PDIA4: variants seen among roughly 807,000 people sequenced by gnomAD.
The protein encoded by PDIA4 is protein disulfide isomerase family A member 4, also known as protein disulfide-isomerase A4.
In PDIA4, 33 loss-of-function variants were observed where a neutral mutation model predicts 62.1. The ratio of observed to expected loss-of-function variants is 0.53; its 90% CI spans 0.40 to 0.71. The LOEUF (loss-of-function observed/expected upper bound fraction) is 0.71. PDIA4 is among the 30% of genes least tolerant of loss of function. The pLI is 0.00. For missense variants in PDIA4, 804 were observed against 813.6 expected, an observed-to-expected ratio of 0.99 and a Z score of 0.14; for synonymous variants, 341 against 324.1, an observed-to-expected ratio of 1.05 and a Z score of -0.56.
intron 4 of PDIA4, among the ~76,000 whole-genome samples, chr7:149,013,912 C>A (rs1399615787): frequency 6.6e-6 from 1 of 152,176 alleles, no homozygotes; most frequent in Non-Finnish European, 1.5e-5. Flanking sequence ...AGCTGCCACT[C>A]TCCCTCTCAC....
At chr7:149,012,868 G>A (rs559546638) in intron 4 of PDIA4, among the ~76,000 whole-genome samples, 13 of 152,224 alleles carry the variant, frequency 8.5e-5, no homozygotes, top group African/African-American at 2.4e-4. Flanking sequence ...ACAGAAGAGC[G>A]TCACAAACCC....
intron 6 of PDIA4, among the ~76,000 whole-genome samples, chr7:149,009,313 A>C (rs1010887032): frequency 2.0e-5 from 3 of 152,178 alleles, no homozygotes; most frequent in Middle Eastern, 3.2e-3. Flanking sequence ...ACAACAACAA[A>C]AAAACCCCGG....
At chr7:149,014,458 T>C (rs1824059948) in intron 4 of PDIA4, among the ~76,000 whole-genome samples, 3 of 152,146 alleles carry the variant, frequency 2.0e-5, no homozygotes, top group African/African-American at 7.2e-5. Context: ...TGGTCTCTCC[T>C]GAAGCCAGGC....
At chr7:149,020,283 CA>C (rs1824295832) in intron 2 of PDIA4, among the ~76,000 whole-genome samples, 1 of 152,156 alleles carries the variant, frequency 6.6e-6, no homozygotes, top group African/African-American at 2.4e-5. Context: ...TTAAATAAAA[CA>C]CTTGTGCTAC....
Position 149,005,112 on chromosome 7 carries a change from G to A in PDIA4, c.1522+29C>T, listed in dbSNP as rs531749443. 3.0e-5 allele frequency: 46 copies of A among 1,551,910 alleles called. No homozygotes were observed. The South Asian group carries it at 5.1e-4, about 17-fold the overall frequency. On this transcript the variant is annotated intron_variant, in intron 9 of 9. Transcript: ENST00000652332. The stretch of plus-strand genomic sequence containing the variant: ...CGCACGAGGAGCACAGCAGCTGATG[G>A]GAGACCCCAGCCCCAGCCACGGGCT...
At position 149,006,706 on chromosome 7, in the gene PDIA4, T is replaced by G. The variant is rs541769424; in HGVS notation, c.1132-653A>C. 2.2e-4 allele frequency among the ~76,000 whole-genome samples: 34 copies of G among 152,242 alleles called. 1 individual carries two copies. In the South Asian group the frequency reaches 6.2e-3, roughly 28 times the overall value. The stretch of plus-strand genomic sequence containing the variant: ...GGCAGGGCACGAGGCACAAACAGGA[T>G]CTGGCGTGACAGCACTGGAGGGTGG... On this transcript the variant is annotated intron_variant, in intron 7 of 9. Transcript: ENST00000652332.
At chr7:149,020,724 G>A (rs567132482) in intron 2 of PDIA4, among the ~76,000 whole-genome samples, 14 of 152,290 alleles carry the variant, frequency 9.2e-5, no homozygotes, top group African/African-American at 3.4e-4. Context: ...ATCAGAGGAC[G>A]TATTCATCTT....
At chr7:149,025,108 G>A (rs7455991) in intron 1 of PDIA4, among the ~76,000 whole-genome samples, 5,816 of 98,526 alleles carry the variant, frequency 0.059, 176 homozygotes, top group African/African-American at 0.12. Context: ...ATATATATAT[G>A]TATGTCCAGA....
rs757281199 is a variant in PDIA4, at chr7:149,008,327, A to G, written c.980-17T>C. 1.5e-5 allele frequency: 24 copies of G among 1,601,260 alleles called. No homozygotes were observed. The South Asian group carries it at 1.7e-4, about 11-fold the overall frequency. ...GGTTGTTAGCTGAAACGTTAACAGA[A>G]TAAGATGTAATTTTGAAAATTGCCT... is the stretch of plus-strand genomic sequence containing the variant. On this transcript the variant is annotated splice_polypyrimidine_tract_variant and intron_variant, in intron 6 of 9. Coordinates refer to ENST00000652332, the MANE Select transcript of PDIA4 (RefSeq NM_004911.5).
intron 3 of PDIA4, among the ~76,000 whole-genome samples, chr7:149,015,255 G>A (rs909678048): frequency 3.3e-5 from 5 of 152,136 alleles, no homozygotes; most frequent in Non-Finnish European, 4.4e-5. Flanking sequence ...ATTGTCCATC[G>A]CATTTCCACA....
rs138974987 is a variant in PDIA4 at position 149,011,949 on chromosome 7, G to A, written c.876C>T (p.Thr292=). The A allele has an allele frequency of 6.2e-7, 1 of 1,609,840 alleles. No homozygotes were observed. Among genetic ancestry groups the A allele is most frequent in the Non-Finnish European group, 8.5e-7 (1 of 1,177,722 alleles). The change falls in exon 6 of 10, where the codon ACC becomes ACT. Residue 292 remains threonine, a synonymous_variant. Transcript: ENST00000652332. ...QSGPPSKEIL[T]LKQVQEFLKD... is the part of the protein sequence containing the mutation. ...TCAGGAACTCCTGGACCTGCTTCAG[G>A]GTCAGAATCTCCTTGGAGGGAGGCC...
At chr7:149,017,054 C>A (rs912250843) in intron 3 of PDIA4, among the ~76,000 whole-genome samples, 1 of 152,198 alleles carries the variant, frequency 6.6e-6, no homozygotes, top group African/African-American at 2.4e-5. Context: ...TTACATCCAA[C>A]TGACACCATG....
Position 149,028,209 on chromosome 7 carries a change from T to C in PDIA4, c.88+112A>G, listed in dbSNP as rs538908187. 8.8e-4 allele frequency: 649 copies of C among 737,330 alleles called. 1 individual carries two copies. The highest frequency in any genetic ancestry group is 1.0e-3 in the Non-Finnish European group (489 of 466,136). 45.7% of individuals were successfully genotyped at this position (737,330 alleles called of 1,614,324 possible). A position where few individuals can be genotyped will look rare whatever the true frequency, so the allele number is the denominator to read the frequency against. The stretch of plus-strand genomic sequence containing the variant: ...CCCGGGCTCGGCGCCCATCACTAGT[T>C]CTGGAGCTGACCGCGCGGAAGCCCG... On this transcript the variant is annotated intron_variant, in intron 1 of 9. Transcript: ENST00000652332.
intron 6 of PDIA4, among the ~76,000 whole-genome samples, chr7:149,010,707 T>C (rs1342184127): frequency 6.6e-6 from 1 of 152,186 alleles, no homozygotes; most frequent in African/African-American, 2.4e-5. Flanking sequence ...CTTGTGTCCC[T>C]GGGGCTAACC....
intron 4 of PDIA4, among the ~76,000 whole-genome samples, chr7:149,014,532 T>C (rs1824062878): frequency 6.6e-6 from 1 of 152,128 alleles, no homozygotes; most frequent in Admixed American, 6.5e-5. Flanking sequence ...TGCCAGCTTA[T>C]CCACGCAACT....
At chr7:149,021,419 G>A (rs1375401916) in intron 1 of PDIA4, among the ~76,000 whole-genome samples, 1 of 151,218 alleles carries the variant, frequency 6.6e-6, no homozygotes, top group South Asian at 2.1e-4. Flanking sequence ...AACCTGGGAG[G>A]CGGAGGTTAC....
rs899414671 is a variant in PDIA4 at position 149,028,196 on chromosome 7, G to A, written c.88+125C>T. 4.5e-5 allele frequency: 30 copies of A among 662,676 alleles called. No homozygotes were observed. In the Admixed American group the frequency reaches 8.7e-4, roughly 19 times the overall value. 41.0% of individuals were successfully genotyped at this position (662,676 alleles called of 1,614,324 possible). A position where few individuals can be genotyped will look rare whatever the true frequency, so the allele number is the denominator to read the frequency against. On this transcript the variant is annotated intron_variant, in intron 1 of 9. Coordinates refer to ENST00000652332, the MANE Select transcript of PDIA4 (RefSeq NM_004911.5). The stretch of plus-strand genomic sequence containing the variant: ...CCGCCAAGTTTACCCCGGGCTCGGC[G>A]CCCATCACTAGTTCTGGAGCTGACC...
Position 149,028,410 on chromosome 7 carries a change from G to T in PDIA4, c.-2C>A. On this transcript the variant is annotated 5_prime_UTR_variant, in exon 1 of 10. Coordinates refer to ENST00000652332, the MANE Select transcript of PDIA4 (RefSeq NM_004911.5). The stretch of plus-strand genomic sequence containing the variant: ...CAGGAAGGCTTTCCGGGGCCTCATG[G>T]TAGCGGGGGCGGAGCGCGGCCTCCT... The T allele has an allele frequency of 6.7e-7, 1 of 1,500,280 alleles. No homozygotes were observed. The highest frequency in any genetic ancestry group is 8.9e-7 in the Non-Finnish European group (1 of 1,124,736). 92.9% of individuals were successfully genotyped at this position (1,500,280 alleles called of 1,614,324 possible).
intron 6 of PDIA4, among the ~76,000 whole-genome samples, chr7:149,009,233 C>A (rs1823862495): frequency 6.6e-6 from 1 of 152,026 alleles, no homozygotes; most frequent in Admixed American, 6.6e-5. Flanking sequence ...GCTCAGCCAA[C>A]CCCAAGAGTT....
Sources: allele counts gnomAD v4.1 joint callset (sites outside exome capture counted in the v4.1 genomes callset), GRCh38; gene constraint gnomAD v4.1.1; transcripts MANE v1.5; gene names NCBI Gene and HGNC (gene_info 2026-07-23, HGNC 2026-07-21).